The following FSTL4 variants were observed in gnomAD, a reference collection of about 807,000 sequenced individuals.
FSTL4 encodes the protein follistatin like 4.
A neutral mutation model predicts 78.2 loss-of-function variants in FSTL4; 28 were observed. That is an observed-to-expected ratio of 0.36 (90% CI 0.27 to 0.49). FSTL4 has a LOEUF of 0.49. Ranked by LOEUF, FSTL4 falls within the 20% of genes least tolerant of loss-of-function variation. The pLI is 0.98. For missense variants in FSTL4, 922 were observed against 1,084.9 expected (o/e 0.85, Z 2.11); for synonymous variants, 422 against 440.5 (o/e 0.96, Z 0.53).
At chr5:133,377,840 A>G (rs368585773) in intron 4 of FSTL4, among the ~76,000 whole-genome samples, 1 of 152,200 alleles carries the variant, frequency 6.6e-6, no homozygotes. Context: ...ATCCAGGTGC[A>G]CTCTACTAAA....
chr5:133,312,617 CA>C (rs1339333265), intron 6 of FSTL4, 36 bp downstream of exon 6: 2 of 1,607,762 alleles, frequency 1.2e-6, no homozygotes, highest in Non-Finnish European at 1.7e-6. Context: ...GAAGCACCTG[CA>C]GAAATAAGCC....
chr5:133,344,972 T>TC (rs1754666318), intron 4 of FSTL4, among the ~76,000 whole-genome samples: 1 of 149,928 alleles, frequency 6.7e-6, no homozygotes, highest in Non-Finnish European at 1.5e-5. Flanking sequence ...CCCCCACTTT[T>TC]TTTTTTTTTT....
chr5:133,374,953 T>C (rs1755394984), intron 4 of FSTL4, among the ~76,000 whole-genome samples: 1 of 152,060 alleles, frequency 6.6e-6, no homozygotes, highest in Non-Finnish European at 1.5e-5. Context: ...CCTATGACAG[T>C]GTTAGGTGAC....
chr5:133,597,984 C>T (rs1452245813), intron 2 of FSTL4, among the ~76,000 whole-genome samples: 1 of 152,096 alleles, frequency 6.6e-6, no homozygotes, highest in African/African-American at 2.4e-5. Context: ...CCACGGGTTC[C>T]AAGAGTGAGA....
At chr5:133,788,336 A>G in the FSTL4 span, among the ~76,000 whole-genome samples, 2 of 152,224 alleles carry the variant, frequency 1.3e-5, no homozygotes, top group African/African-American at 4.8e-5. Flanking sequence ...ACATGGACAC[A>G]TTGCTCTGGC....
chr5:133,245,417 T>G (rs1752012546), intron 7 of FSTL4, among the ~76,000 whole-genome samples: 1 of 152,248 alleles, frequency 6.6e-6, no homozygotes, highest in African/African-American at 2.4e-5. Context: ...ATCAAACATC[T>G]GCGCTTCCCC....
chr5:133,833,417 A>T, the FSTL4 span, among the ~76,000 whole-genome samples: 3 of 152,268 alleles, frequency 2.0e-5, no homozygotes, highest in African/African-American at 7.2e-5. Flanking sequence ...TTATGCATAA[A>T]GAATATTAAT....
chr5:133,506,357 A>C (rs538157313), intron 3 of FSTL4, among the ~76,000 whole-genome samples: 1 of 152,278 alleles, frequency 6.6e-6, no homozygotes, highest in African/African-American at 2.4e-5. Context: ...GGATAATATT[A>C]AGCCATTATT....
chr5:133,378,168 C>T (rs1241602515), intron 4 of FSTL4, among the ~76,000 whole-genome samples: 2 of 151,788 alleles, frequency 1.3e-5, no homozygotes, highest in Non-Finnish European at 2.9e-5. Flanking sequence ...GCAAGTGACC[C>T]CAGATGGTAA....
chr5:133,324,087 A>G (rs1754145505), intron 4 of FSTL4, among the ~76,000 whole-genome samples: 1 of 152,214 alleles, frequency 6.6e-6, no homozygotes, highest in South Asian at 2.1e-4. Context: ...TGTCCATCAA[A>G]GAAACACTTT....
At chr5:133,554,270 G>A (rs26368) in intron 3 of FSTL4, among the ~76,000 whole-genome samples, 11,157 of 152,266 alleles carry the variant, frequency 0.073, 559 homozygotes, top group Non-Finnish European at 0.1. Flanking sequence ...GGAGATGGGG[G>A]GGAGGTGCCT....
At chr5:133,600,303 A>G (rs1022939786) in intron 2 of FSTL4, among the ~76,000 whole-genome samples, 1 of 152,086 alleles carries the variant, frequency 6.6e-6, no homozygotes, top group African/African-American at 2.4e-5. Context: ...AGACTAGGCT[A>G]CGATGTTTGG....
chr5:133,238,978 C>T (rs112081378), intron 7 of FSTL4, among the ~76,000 whole-genome samples: 14 of 152,280 alleles, frequency 9.2e-5, no homozygotes, highest in African/African-American at 2.9e-4. Flanking sequence ...CTCAGCTTGC[C>T]GGGAGGTGTG....
intron 4 of FSTL4, among the ~76,000 whole-genome samples, chr5:133,364,292 T>G: frequency 6.9e-6 from 1 of 144,968 alleles, no homozygotes; most frequent in Non-Finnish European, 1.5e-5. Flanking sequence ...CTGTTGGGGG[T>G]GTGGGGGTGG....
intron 3 of FSTL4, among the ~76,000 whole-genome samples, chr5:133,510,745 C>T (rs1292929586): frequency 3.3e-5 from 5 of 152,212 alleles, no homozygotes; most frequent in African/African-American, 9.6e-5. Context: ...GGAGTCCTTT[C>T]TGGAAGACAG....
intron 4 of FSTL4, among the ~76,000 whole-genome samples, chr5:133,365,569 T>C (rs1284927954): frequency 6.6e-6 from 1 of 152,156 alleles, no homozygotes; most frequent in Non-Finnish European, 1.5e-5. Flanking sequence ...GTTCTATCGA[T>C]TTCTCCCTGG....
chr5:133,530,734 C>T (rs1759233949), intron 3 of FSTL4, among the ~76,000 whole-genome samples: 1 of 152,218 alleles, frequency 6.6e-6, no homozygotes, highest in Non-Finnish European at 1.5e-5. Flanking sequence ...AGGGACCCTT[C>T]ACCATGGAGC....
intron 3 of FSTL4, among the ~76,000 whole-genome samples, chr5:133,447,998 T>A (rs893838581): frequency 6.6e-6 from 1 of 152,182 alleles, no homozygotes; most frequent in East Asian, 1.9e-4. Context: ...AAGGAGGAAA[T>A]TGTCATTTCT....
chr5:133,655,965 C>A, the FSTL4 span, among the ~76,000 whole-genome samples: 2 of 152,178 alleles, frequency 1.3e-5, no homozygotes, highest in Non-Finnish European at 2.9e-5. Context: ...AGTGGAATCA[C>A]GCTTTTACTC....
Sources: allele counts gnomAD v4.1 joint callset (sites outside exome capture counted in the v4.1 genomes callset), GRCh38; gene constraint gnomAD v4.1.1; transcripts MANE v1.5; gene names NCBI Gene and HGNC (gene_info 2026-07-23, HGNC 2026-07-21).